Variants in GLB1 observed in about 807,000 individuals in gnomAD.
The protein encoded by GLB1 is galactosidase beta 1.
In GLB1, 56 loss-of-function variants were observed where a neutral mutation model predicts 74.0. The observed-to-expected ratio is 0.76, with a 90% CI of 0.61 to 0.94. GLB1 has a LOEUF of 0.94. Among genes scored for constraint, GLB1 ranks in the 40% least tolerant of loss-of-function variants. The pLI is 0.00. For missense variants in GLB1, 787 were observed against 845.5 expected (o/e 0.93, Z 0.86); for synonymous variants, 323 against 323.6 (o/e 1.00, Z 0.02).
the GLB1 span, among the ~76,000 whole-genome samples, chr3:32,987,379 G>C: frequency 6.6e-6 from 1 of 152,228 alleles, no homozygotes; most frequent in African/African-American, 2.4e-5. Context: ...GTTGGTTTAA[G>C]CTGAAAGTAG....
At chr3:33,065,239 T>C (rs1336387311) in intron 5 of GLB1, among the ~76,000 whole-genome samples, 2 of 152,160 alleles carry the variant, frequency 1.3e-5, no homozygotes, top group African/African-American at 2.4e-5. Context: ...TTGGAAGAAT[T>C]GAATAGCATT....
chr3:32,986,383 ATAACT>A, the GLB1 span, among the ~76,000 whole-genome samples: 6 of 152,232 alleles, frequency 3.9e-5, no homozygotes, highest in African/African-American at 7.2e-5. Flanking sequence ...GTTATGTAAC[ATAACT>A]TAGCTTATAT....
At chr3:33,095,666 A>G (rs1313065595) in intron 1 of GLB1, among the ~76,000 whole-genome samples, 1 of 152,150 alleles carries the variant, frequency 6.6e-6, no homozygotes, top group Non-Finnish European at 1.5e-5. Flanking sequence ...CATCAGACAG[A>G]TTGACCCTGT....
At chr3:33,046,523 G>A (rs1698748373) in intron 9 of GLB1, among the ~76,000 whole-genome samples, 1 of 152,068 alleles carries the variant, frequency 6.6e-6, no homozygotes. Context: ...TGGACAAGCA[G>A]GGAATCTGAA....
the GLB1 span, among the ~76,000 whole-genome samples, chr3:32,980,397 CG>C: frequency 6.6e-6 from 1 of 152,300 alleles, no homozygotes; most frequent in African/African-American, 2.4e-5. Flanking sequence ...TTCAGACTTT[CG>C]TCTTTAATAA....
Position 33,058,317 on chromosome 3 carries a change from C to T in GLB1, c.553-48G>A, listed in dbSNP as rs139452903. The T allele has an allele frequency of 5.6e-6, 9 of 1,610,992 alleles. No homozygotes were observed. The Admixed American group carries it at 1.2e-4, about 21-fold the overall frequency. ...GAAAAATGAGGAGATCCTAATGTAG[C>T]CACCCTAATGCAAGCTTTTGTGTGG... On this transcript the variant is annotated intron_variant, in intron 5 of 15. Transcript: ENST00000307363.
intron 1 of GLB1, chr3:33,096,334 C>G: frequency 1.0e-6 from 1 of 954,594 alleles, no homozygotes; most frequent in Middle Eastern, 5.3e-4. Context: ...CGCCCCGCAC[C>G]TCACCTATTC....
intron 10 of GLB1, among the ~76,000 whole-genome samples, chr3:33,043,859 A>AG (rs1470021458): frequency 1.1e-5 from 1 of 88,010 alleles, no homozygotes; most frequent in Admixed American, 1.2e-4. Flanking sequence ...AAAAAAAAAA[A>AG]AAAGGCTTCC....
chr3:32,964,850 G>A, the GLB1 span, among the ~76,000 whole-genome samples: 1 of 152,196 alleles, frequency 6.6e-6, no homozygotes, highest in African/African-American at 2.4e-5. Context: ...GAGGGACCCA[G>A]TGGGAGGTAC....
At chr3:33,048,060 TTA>T in intron 9 of GLB1, among the ~76,000 whole-genome samples, 1 of 152,300 alleles carries the variant, frequency 6.6e-6, no homozygotes, top group East Asian at 1.9e-4. Flanking sequence ...TTCTTATTTG[TTA>T]TGTCTCTCTC....
intron 10 of GLB1, among the ~76,000 whole-genome samples, chr3:33,032,049 C>G (rs1295926323): frequency 6.6e-6 from 1 of 152,070 alleles, no homozygotes; most frequent in Admixed American, 6.6e-5. Context: ...CCACCCACCT[C>G]GGCCTCCCAA....
intron 1 of GLB1, among the ~76,000 whole-genome samples, chr3:33,088,373 AC>A (rs1700615290): frequency 7.6e-5 from 1 of 13,130 alleles, no homozygotes; most frequent in Non-Finnish European, 1.9e-4. Flanking sequence ...AAGACTACAC[AC>A]ACACACACAC....
At chr3:33,050,512 T>C (rs771321350) in intron 9 of GLB1, among the ~76,000 whole-genome samples, 11 of 152,182 alleles carry the variant, frequency 7.2e-5, no homozygotes, top group Admixed American at 2.0e-4. Context: ...GTTGAACACA[T>C]TGGGCTAAAT....
intron 1 of GLB1, among the ~76,000 whole-genome samples, chr3:33,085,050 G>A (rs1343460227): frequency 6.6e-6 from 1 of 152,110 alleles, no homozygotes. Flanking sequence ...GCTGAGGCGG[G>A]TGGATGGCTT....
chr3:33,031,465 G>A (rs1295062739), intron 10 of GLB1, among the ~76,000 whole-genome samples: 6 of 151,114 alleles, frequency 4.0e-5, no homozygotes, highest in Non-Finnish European at 8.9e-5. Context: ...CCAACATGGC[G>A]AAACTCCGTC....
At chr3:33,077,162 T>C (rs1459307288) in intron 1 of GLB1, 2 of 1,456,484 alleles carry the variant, frequency 1.4e-6, no homozygotes, top group East Asian at 2.9e-5. Flanking sequence ...GCAGTCTTGG[T>C]ACCTCTTTTG....
intron 11 of GLB1, among the ~76,000 whole-genome samples, chr3:33,022,307 A>C (rs2125475702): frequency 6.6e-6 from 1 of 152,242 alleles, no homozygotes; most frequent in African/African-American, 2.4e-5. Flanking sequence ...CTTGCAACCC[A>C]GGATACTTAT....
intron 12 of GLB1, among the ~76,000 whole-genome samples, chr3:33,019,677 C>T (rs1466355578): frequency 6.6e-6 from 1 of 152,194 alleles, no homozygotes; most frequent in African/African-American, 2.4e-5. Context: ...TCTCCATCTC[C>T]TTCTGGTTCA....
the GLB1 span, among the ~76,000 whole-genome samples, chr3:32,974,049 C>T: frequency 6.6e-6 from 1 of 152,160 alleles, no homozygotes; most frequent in Non-Finnish European, 1.5e-5. Flanking sequence ...TGCTGGTTGG[C>T]AGCTGTAGGC....
Sources: allele counts gnomAD v4.1 joint callset (sites outside exome capture counted in the v4.1 genomes callset), GRCh38; gene constraint gnomAD v4.1.1; transcripts MANE v1.5; gene names NCBI Gene and HGNC (gene_info 2026-07-23, HGNC 2026-07-21).